The following NLRC4 variants were observed in gnomAD, a reference collection of about 807,000 sequenced individuals.
NLRC4 encodes the protein NLR family CARD domain-containing protein 4.
A neutral mutation model predicts 79.9 loss-of-function variants in NLRC4; 63 were observed. The ratio of observed to expected loss-of-function variants is 0.79; its 90% confidence interval spans 0.64 to 0.97. The LOEUF (loss-of-function observed/expected upper bound fraction) is 0.97, where lower values mean the gene tolerates loss of function less well. Among genes scored for constraint, NLRC4 ranks in the 50% least tolerant of loss-of-function variants. NLRC4 has a pLI of 0.00. For synonymous variants in NLRC4, 461 were observed against 456.5 expected (o/e 1.01, Z -0.12); for missense variants, 1,074 against 1,215.2 (o/e 0.88, Z 1.73).
intron 8 of NLRC4, among the ~76,000 whole-genome samples, chr2:32,234,152 C>T (rs750559229): frequency 6.6e-6 from 1 of 152,020 alleles, no homozygotes; most frequent in Non-Finnish European, 1.5e-5. Context: ...GAGGCCAGGG[C>T]AGGCGGATCA....
At chr2:32,242,863 AT>A (rs1230963708) in intron 4 of NLRC4, among the ~76,000 whole-genome samples, 2 of 152,122 alleles carry the variant, frequency 1.3e-5, no homozygotes, top group Non-Finnish European at 2.9e-5. Flanking sequence ...CCTGGGCAAT[AT>A]ATCCAGACCC....
upstream of NLRC4, chr2:32,264,979 G>A (rs1687434314): frequency 6.6e-6 from 1 of 151,910 alleles, no homozygotes; most frequent in Non-Finnish European, 1.5e-5. Flanking sequence ...GGGAAGATGG[G>A]TGTAGGCAGG....
At chr2:32,224,798 A>T in intron 8 of NLRC4, 33 bp from the exon 9 acceptor site, 1 of 1,013,740 alleles carries the variant, frequency 9.9e-7, no homozygotes, top group Non-Finnish European at 1.4e-6. Flanking sequence ...TAGTTGGAAG[A>T]AAAATTTTTT....
chr2:32,256,033 C>A (rs1490902180), intron 2 of NLRC4, among the ~76,000 whole-genome samples: 8 of 149,740 alleles, frequency 5.3e-5, no homozygotes, highest in Non-Finnish European at 1.0e-4. Flanking sequence ...AAAAAATTTA[C>A]AAAAAAAAAT....
intron 1 of NLRC4, among the ~76,000 whole-genome samples, chr2:32,261,316 C>CCT: frequency 2.1e-5 from 2 of 96,922 alleles, no homozygotes; most frequent in African/African-American, 8.3e-5. Context: ...AGCCTCCCCC[C>CCT]TTTTGTTTTT....
chr2:32,249,572 G>T, intron 4 of NLRC4, 35 bp downstream of exon 4: 5 of 1,439,570 alleles, frequency 3.5e-6, no homozygotes, highest in African/African-American at 2.9e-5. Flanking sequence ...TTTTTTTTAA[G>T]TGAACAAAGC....
rs769545282 is a variant in NLRC4 at position 32,235,588 on chromosome 2, G to T, written c.2615-20C>A. ...TGTCGACTGGAAGAAACAAAGAGCAGTTCAGGGACTGGATGGTCTCAAAAC... is the reference window on the plus strand; with the variant it reads ...TGTCGACTGGAAGAAACAAAGAGCATTTCAGGGACTGGATGGTCTCAAAAC... On this transcript the variant is annotated intron_variant, in intron 7 of 8. Transcript: ENST00000402280. 3.1e-6 allele frequency: 5 copies of T among 1,606,674 alleles called. No homozygotes were observed. Among genetic ancestry groups the T allele is most frequent in the Middle Eastern group, 1.7e-4 (1 of 6,002 alleles).
At position 32,252,538 on chromosome 2, in the gene NLRC4, T is replaced by A. The variant is rs759449378; in HGVS notation, c.143A>T (p.Gln48Leu). ...GTGAATGATCCCTCTAGCAGCATCC[T>A]GCTCCACCTTCTCGCAGCAAATGAT... The part of the protein sequence containing the change: ...VNIICCEKVE[Q>L]DAARGIIHMI... Residue 48 changes from glutamine (Q) to leucine (L), a missense_variant, in exon 3 of 9, where the codon CAG becomes CTG. Coordinates refer to ENST00000402280, the MANE Select transcript of NLRC4 (RefSeq NM_001199138.2). The A allele has an allele frequency of 1.5e-5, 25 of 1,614,208 alleles. No homozygotes were observed. In the East Asian group the frequency reaches 5.6e-4, roughly 36 times the overall value.
chr2:32,233,347 A>G (rs201367198), intron 8 of NLRC4, among the ~76,000 whole-genome samples: 1 of 45,642 alleles, frequency 2.2e-5, no homozygotes, highest in Non-Finnish European at 4.0e-5. Context: ...ATATATATAT[A>G]TATTTTTTTT....
At chr2:32,258,641 T>A (rs1337479690) in intron 1 of NLRC4, among the ~76,000 whole-genome samples, 1 of 152,212 alleles carries the variant, frequency 6.6e-6, no homozygotes, top group Admixed American at 6.5e-5. Context: ...TTGTTCTTTA[T>A]CCTATGAGCA....
intron 7 of NLRC4, among the ~76,000 whole-genome samples, 195 bp downstream of exon 7, chr2:32,236,052 G>A (rs1451635966): frequency 2.0e-5 from 3 of 152,156 alleles, no homozygotes; most frequent in Non-Finnish European, 4.4e-5. Flanking sequence ...GTGAGCATAT[G>A]TAAACTGGTG....
Position 32,256,912 on chromosome 2 carries a change from A to G in NLRC4, c.-118-19T>C. 6.3e-6 allele frequency: 4 copies of G among 633,982 alleles called. No individual in the cohort carries two copies. The highest frequency in any genetic ancestry group is 1.2e-5 in the Non-Finnish European group (4 of 344,634). 39.3% of individuals were successfully genotyped at this position (633,982 alleles called of 1,614,324 possible). On this transcript the variant is annotated intron_variant, in intron 1 of 8. Transcript: ENST00000402280. ...CTTCATTCTGTAAAACAAACAAAACAGAACCAGAGACTATCAGGTGGAGGG... is the reference window on the plus strand; with the variant it reads ...CTTCATTCTGTAAAACAAACAAAACGGAACCAGAGACTATCAGGTGGAGGG...
At chr2:32,254,643 A>G (rs1296311554) in intron 2 of NLRC4, among the ~76,000 whole-genome samples, 3 of 131,514 alleles carry the variant, frequency 2.3e-5, no homozygotes, top group African/African-American at 9.0e-5. Context: ...TTTCAGACGA[A>G]GTTTCACTGT....
intron 1 of NLRC4, among the ~76,000 whole-genome samples, 182 bp from the exon 2 acceptor site, chr2:32,257,075 CCTAGAG>C (rs1290607397): frequency 6.6e-6 from 1 of 152,220 alleles, no homozygotes; most frequent in African/African-American, 2.4e-5. Context: ...GGACTCCTTG[CCTAGAG>C]CTCTAAACTA....
At position 32,224,654 on chromosome 2, in the gene NLRC4, T is replaced by A; in HGVS notation, c.2894A>T (p.Lys965Met). 1 of 1,613,472 alleles carries A rather than the reference T, an allele frequency of 6.2e-7. No homozygotes were observed. The highest frequency in any genetic ancestry group is 8.5e-7 in the Non-Finnish European group (1 of 1,179,486). Residue 965 changes from lysine to methionine, a missense_variant, in exon 9 of 9, where the codon AAG becomes ATG. Lys to Met is a moderately conservative substitution (Grantham distance 95). Coordinates refer to ENST00000402280, the MANE Select transcript of NLRC4 (RefSeq NM_001199138.2). ...LAFMGVFENL[K>M]QLVFFDFSTK... Reference sequence around the variant, plus strand: ...ACTAAAGTCAAAAAACACTAATTGCTTAAGATTCTCAAATACACCCATGAA... The same window carrying A: ...ACTAAAGTCAAAAAACACTAATTGCATAAGATTCTCAAATACACCCATGAA...
chr2:32,231,578 G>GA (rs1553342722), intron 8 of NLRC4, among the ~76,000 whole-genome samples: 1 of 114,946 alleles, frequency 8.7e-6, no homozygotes, highest in East Asian at 3.0e-4. Context: ...TTTTTGTGGG[G>GA]GGGGGGTGGG....
chr2:32,233,179 A>C (rs1573471638), intron 8 of NLRC4, among the ~76,000 whole-genome samples: 1 of 80,526 alleles, frequency 1.2e-5, no homozygotes, highest in Non-Finnish European at 2.3e-5. Context: ...GAAGGAAGGA[A>C]GGAAGGAAGG....
intron 1 of NLRC4, among the ~76,000 whole-genome samples, chr2:32,264,478 A>G (rs994080246): frequency 6.6e-6 from 1 of 150,606 alleles, no homozygotes; most frequent in Non-Finnish European, 1.5e-5. Flanking sequence ...CTGTAATGCC[A>G]AAAAGTGTTT....
At position 32,224,456 on chromosome 2, in the gene NLRC4, C is replaced by G; in HGVS notation, c.*17G>C. 2 of 1,556,378 alleles carry G rather than the reference C, an allele frequency of 1.3e-6. No individual in the cohort carries two copies. Among genetic ancestry groups the G allele is most frequent in the Non-Finnish European group, 1.7e-6 (2 of 1,151,076 alleles). On this transcript the variant is annotated 3_prime_UTR_variant, in exon 9 of 9. Transcript: ENST00000402280. ...AATGAGGTCCCAGAGCACTTACTGGCTTCGAGTACACTTTATTTAAGCAGT... is the reference window on the plus strand; with the variant it reads ...AATGAGGTCCCAGAGCACTTACTGGGTTCGAGTACACTTTATTTAAGCAGT...
Sources: allele counts gnomAD v4.1 joint callset (sites outside exome capture counted in the v4.1 genomes callset), GRCh38; gene constraint gnomAD v4.1.1; transcripts MANE v1.5; gene names NCBI Gene and HGNC (gene_info 2026-07-23, HGNC 2026-07-21).